Variants in TAF1A observed in about 807,000 individuals in gnomAD.
TAF1A encodes the protein TATA-box binding protein associated factor, RNA polymerase I subunit A.
In TAF1A, 42 loss-of-function variants were observed where a neutral mutation model predicts 61.6. The ratio of observed to expected loss-of-function variants is 0.68; its 90% CI spans 0.53 to 0.88. The LOEUF (loss-of-function observed/expected upper bound fraction) is 0.88, where lower values mean the gene tolerates loss of function less well. Ranked by LOEUF, TAF1A falls within the 40% of genes least tolerant of loss-of-function variation. The probability of loss-of-function intolerance (pLI) is 0.00; values close to 1 mark genes in which losing one functional copy is unlikely to be tolerated. For synonymous variants in TAF1A, 179 were observed against 177.7 expected (o/e 1.01, Z -0.06); for missense variants, 424 against 518.7 (o/e 0.82, Z 1.77).
downstream of TAF1A, among the ~76,000 whole-genome samples, chr1:222,556,460 G>C (rs4414043): frequency 2.0e-5 from 3 of 152,176 alleles, no homozygotes; most frequent in African/African-American, 7.2e-5. Flanking sequence ...TGGGATCCTG[G>C]TGCCAACACC....
chr1:222,567,912 A>C (rs1234064077), intron 7 of TAF1A, among the ~76,000 whole-genome samples: 1 of 152,232 alleles, frequency 6.6e-6, no homozygotes, highest in Admixed American at 6.5e-5. Context: ...GAAGACCTAC[A>C]ATATGAAGTA....
At chr1:222,571,715 A>T (rs1302265956) in intron 5 of TAF1A, among the ~76,000 whole-genome samples, 2 of 152,140 alleles carry the variant, frequency 1.3e-5, no homozygotes, top group East Asian at 1.9e-4. Context: ...TTGAAAAAAA[A>T]TTTTTTAAGA....
chr1:222,560,268 G>A (rs1185413453), intron 10 of TAF1A, among the ~76,000 whole-genome samples: 1 of 152,208 alleles, frequency 6.6e-6, no homozygotes, highest in Non-Finnish European at 1.5e-5. Flanking sequence ...CACACTAACA[G>A]CCTGAGAGGA....
intron 1 of TAF1A, among the ~76,000 whole-genome samples, chr1:222,589,020 T>C (rs760148479): frequency 6.6e-6 from 1 of 152,102 alleles, no homozygotes; most frequent in Non-Finnish European, 1.5e-5. Context: ...TTGAAAAAAC[T>C]GAGGGGCTTA....
intron 7 of TAF1A, among the ~76,000 whole-genome samples, chr1:222,565,797 G>A (rs1459071636): frequency 2.0e-5 from 3 of 152,172 alleles, no homozygotes; most frequent in Non-Finnish European, 4.4e-5. Context: ...GGGAGGTGGA[G>A]GCTACAGGGA....
chr1:222,574,021 C>T (rs1288258173), intron 5 of TAF1A, among the ~76,000 whole-genome samples: 1 of 151,794 alleles, frequency 6.6e-6, no homozygotes, highest in Non-Finnish European at 1.5e-5. Context: ...AAAAGAAGAC[C>T]ACATACTGTA....
chr1:222,569,580 G>T lies in TAF1A; in HGVS notation c.824C>A (p.Ala275Asp). The T allele has an allele frequency of 6.2e-7, 1 of 1,613,954 alleles. No individual in the cohort carries two copies. Among genetic ancestry groups the T allele is most frequent in the Non-Finnish European group, 8.5e-7 (1 of 1,179,924 alleles). Residue 275 changes from alanine (A) to aspartate (D), a missense_variant, in exon 7 of 11, where the codon GCC becomes GAC. Transcript: ENST00000352967. ...TAGAAAGTTGTATAAGTAGATATGG[G>T]CATTTGGATTTGATGGAAACTTTTC... ...YDEKFPSNPNAHIYLYNFLKR... is the reference protein window; with the variant it reads ...YDEKFPSNPNDHIYLYNFLKR...
In TAF1A at chr1:222,589,789, G is replaced by T. The variant is rs1199036071; in HGVS notation, c.-65C>A. 1.2e-5 allele frequency: 4 copies of T among 342,086 alleles called. No individual in the cohort carries two copies. The highest frequency in any genetic ancestry group is 3.0e-4 in the South Asian group (2 of 6,566). The allele number at this position is 342,086 out of a possible 1,614,324, so 21.2% of individuals were successfully genotyped here. On this transcript the variant is annotated 5_prime_UTR_variant, in exon 1 of 11. Coordinates refer to ENST00000352967, the MANE Select transcript of TAF1A (RefSeq NM_005681.4). ...AGTCTCCGACTCCGGCCCACGTGAA[G>T]AAATTCCCACCGGAAGACGAGTTAG...
intron 7 of TAF1A, among the ~76,000 whole-genome samples, chr1:222,565,679 T>C (rs753574080): frequency 2.6e-5 from 4 of 152,024 alleles, no homozygotes; most frequent in African/African-American, 4.8e-5. Flanking sequence ...CTGGGCAACA[T>C]AGCAAAACCC....
chr1:222,573,031 G>A (rs1424097698), intron 5 of TAF1A, among the ~76,000 whole-genome samples: 1 of 152,200 alleles, frequency 6.6e-6, no homozygotes, highest in Non-Finnish European at 1.5e-5. Flanking sequence ...CACTTTGGGA[G>A]GCTGAGGTGG....
At chr1:222,556,925 G>A (rs975391454), downstream of TAF1A, among the ~76,000 whole-genome samples, 3 of 152,222 alleles carry the variant, frequency 2.0e-5, no homozygotes, top group Admixed American at 1.3e-4. Context: ...CTACACAACC[G>A]AATTATGGAC....
At chr1:222,565,386 T>C (rs1344860095) in intron 7 of TAF1A, among the ~76,000 whole-genome samples, 1 of 152,234 alleles carries the variant, frequency 6.6e-6, no homozygotes, top group African/African-American at 2.4e-5. Context: ...AACCCATGTA[T>C]TGAGATCTTA....
At chr1:222,561,207 G>C (rs1348731102) in intron 10 of TAF1A, among the ~76,000 whole-genome samples, 157 bp downstream of exon 10, 1 of 152,074 alleles carries the variant, frequency 6.6e-6, no homozygotes, top group Non-Finnish European at 1.5e-5. Context: ...TAAGCACATA[G>C]TCCCAACTCA....
chr1:222,585,400 TAA>T (rs1660969683), intron 2 of TAF1A, among the ~76,000 whole-genome samples: 1 of 145,130 alleles, frequency 6.9e-6, no homozygotes, highest in Admixed American at 6.9e-5. Flanking sequence ...TAGAAATACA[TAA>T]AAGTCACCCA....
chr1:222,587,281 C>A (rs377376674), intron 2 of TAF1A, among the ~76,000 whole-genome samples: 1 of 152,152 alleles, frequency 6.6e-6, no homozygotes, highest in Non-Finnish European at 1.5e-5. Context: ...GCATCTCAGT[C>A]GTTAAAAGTG....
intron 5 of TAF1A, among the ~76,000 whole-genome samples, chr1:222,573,497 A>T (rs554942035): frequency 6.6e-6 from 1 of 152,372 alleles, no homozygotes; most frequent in East Asian, 1.9e-4. Flanking sequence ...TAAGCACATG[A>T]AAAGATGCTC....
At chr1:222,570,718 T>C in intron 5 of TAF1A, 53 bp from the exon 6 acceptor site, 1 of 1,478,080 alleles carries the variant, frequency 6.8e-7, no homozygotes, top group Non-Finnish European at 9.1e-7. Flanking sequence ...AGGACCTCTG[T>C]TAAATTAGTA....
intron 9 of TAF1A, among the ~76,000 whole-genome samples, chr1:222,561,773 G>A (rs1048185760): frequency 3.9e-5 from 6 of 152,122 alleles, no homozygotes; most frequent in Admixed American, 1.3e-4. Flanking sequence ...GAACAGACTC[G>A]AAGCCAGAAT....
In TAF1A at chr1:222,579,858, G is replaced by C; in HGVS notation, c.306C>G (p.Leu102=). The part of the protein sequence containing the change: ...RQAAPEIIWK[L]GSEILFYHPK... ...GATGATAAAATAGAATTTCACTTCCGAGCTTCCAAATAATCTGTCAAAGCA... is the reference window on the plus strand; with the variant it reads ...GATGATAAAATAGAATTTCACTTCCCAGCTTCCAAATAATCTGTCAAAGCA... Residue 102 remains leucine, a synonymous_variant, in exon 4 of 11, where the codon CTC becomes CTG. Coordinates refer to ENST00000352967, the MANE Select transcript of TAF1A (RefSeq NM_005681.4). 1 of 1,604,106 alleles carries C rather than the reference G, an allele frequency of 6.2e-7. No homozygotes were observed. Among genetic ancestry groups the C allele is most frequent in the East Asian group, 2.2e-5 (1 of 44,618 alleles).
Sources: allele counts gnomAD v4.1 joint callset (sites outside exome capture counted in the v4.1 genomes callset), GRCh38; gene constraint gnomAD v4.1.1; transcripts MANE v1.5; gene names NCBI Gene and HGNC (gene_info 2026-07-23, HGNC 2026-07-21).